Variants in NRG1 observed in about 807,000 individuals in gnomAD.
NRG1 encodes pro-neuregulin-1, membrane-bound isoform.
NRG1 carries 18 observed loss-of-function variants against 63.8 expected under a neutral mutation model. The ratio of observed to expected loss-of-function variants is 0.28; its 90% CI spans 0.19 to 0.42. The LOEUF is 0.42. NRG1 is among the 10% of genes least tolerant of loss of function. The probability of loss-of-function intolerance (pLI) is 1.00; values close to 1 mark genes in which losing one functional copy is unlikely to be tolerated. For synonymous variants in NRG1, 302 were observed against 301.3 expected (o/e 1.00, Z -0.02); for missense variants, 762 against 814.7 (o/e 0.94, Z 0.79).
rs571744951 is a variant in NRG1 at position 32,593,012 on chromosome 8, G to A, written c.101-2816G>A. 2.0e-5 allele frequency among the ~76,000 whole-genome samples: 3 copies of A among 152,176 alleles called. No individual in the cohort carries two copies. In the South Asian group the frequency reaches 6.2e-4, roughly 32 times the overall value. Reference sequence around the variant, plus strand: ...CAGTAACATAAAGAAAATATTACAAGGAAGAGAAAATATATTTATTCATCA... The same window carrying A: ...CAGTAACATAAAGAAAATATTACAAAGAAGAGAAAATATATTTATTCATCA... On this transcript the variant is annotated intron_variant, in intron 1 of 11. Coordinates refer to ENST00000356819, the Ensembl canonical transcript of NRG1.
At chr8:32,362,350 C>T (rs1807332239) in intron 1 of NRG1, among the ~76,000 whole-genome samples, 1 of 152,100 alleles carries the variant, frequency 6.6e-6, no homozygotes, top group African/African-American at 2.4e-5. Flanking sequence ...TATTTAACTG[C>T]AGAGATATAC....
At chr8:31,820,123 T>C (rs1823864767) in intron 1 of NRG1, among the ~76,000 whole-genome samples, 1 of 152,224 alleles carries the variant, frequency 6.6e-6, no homozygotes, top group South Asian at 2.1e-4. Context: ...TAGATATCTC[T>C]AGATCAGAGA....
chr8:31,859,013 A>T (rs1828221047), intron 1 of NRG1, among the ~76,000 whole-genome samples: 2 of 152,192 alleles, frequency 1.3e-5, no homozygotes, highest in Non-Finnish European at 2.9e-5. Context: ...TTTTTATGCT[A>T]CAGAAATAAA....
intron 1 of NRG1, among the ~76,000 whole-genome samples, chr8:31,641,229 G>C (rs1360784915): frequency 6.6e-6 from 1 of 152,192 alleles, no homozygotes; most frequent in Non-Finnish European, 1.5e-5. Flanking sequence ...TTCCCCGACA[G>C]ATGTGGCAGA....
rs955252183 is a variant in NRG1, at chr8:31,757,415, A to T, written c.37+117984A>T. ...AGAATTTGTCACATTGGCTAAAAAAACAACTCCACTAAATCAGGACATTAG... is the reference window on the plus strand; with the variant it reads ...AGAATTTGTCACATTGGCTAAAAAATCAACTCCACTAAATCAGGACATTAG... On this transcript the variant is annotated intron_variant, in intron 1 of 10. Coordinates refer to the NRG1 transcript ENST00000519301. 1.8e-4 allele frequency among the ~76,000 whole-genome samples: 28 copies of T among 152,282 alleles called. No individual in the cohort carries two copies. In the East Asian group the frequency reaches 5.4e-3, roughly 30 times the overall value.
chr8:32,502,030 C>G (rs761263174), intron 1 of NRG1, among the ~76,000 whole-genome samples: 1 of 152,162 alleles, frequency 6.6e-6, no homozygotes, highest in Non-Finnish European at 1.5e-5. Context: ...TGCATCAATA[C>G]ACTACTGTAT....
At chr8:31,879,009 A>AAAAC (rs1390177445) in intron 1 of NRG1, among the ~76,000 whole-genome samples, 1 of 152,118 alleles carries the variant, frequency 6.6e-6, no homozygotes, top group Non-Finnish European at 1.5e-5. Flanking sequence ...CAAGAAAAAA[A>AAAAC]AAACAAACAA....
chr8:32,419,172 G>A (rs1722232279), intron 1 of NRG1, among the ~76,000 whole-genome samples: 1 of 152,158 alleles, frequency 6.6e-6, no homozygotes, highest in African/African-American at 2.4e-5. Flanking sequence ...GCTAAATAAT[G>A]GAATTAAGCA....
chr8:32,754,668 C>T (rs541503535), intron 8 of NRG1, among the ~76,000 whole-genome samples, 194 bp downstream of exon 8: 1 of 151,968 alleles, frequency 6.6e-6, no homozygotes, highest in Non-Finnish European at 1.5e-5. Context: ...AGCTGTTTGC[C>T]TATTCATGTA....
chr8:32,575,602 A>G (rs1160329163), intron 1 of NRG1, among the ~76,000 whole-genome samples: 1 of 152,184 alleles, frequency 6.6e-6, no homozygotes, highest in Admixed American at 6.5e-5. Flanking sequence ...AGAGATCTAC[A>G]CTGGAGATAA....
intron 1 of NRG1, among the ~76,000 whole-genome samples, chr8:31,795,101 C>T (rs1361622363): frequency 6.6e-6 from 1 of 152,104 alleles, no homozygotes; most frequent in Admixed American, 6.6e-5. Context: ...CGGTGCCCAG[C>T]CTGTAATATA....
At chr8:32,279,132 G>A (rs907553343) in intron 1 of NRG1, among the ~76,000 whole-genome samples, 1 of 152,198 alleles carries the variant, frequency 6.6e-6, no homozygotes, top group Non-Finnish European at 1.5e-5. Flanking sequence ...GCTACTTGAG[G>A]GCTGGCCTAC....
chr8:32,145,646 C>T (rs573227468), intron 1 of NRG1, among the ~76,000 whole-genome samples: 5 of 152,162 alleles, frequency 3.3e-5, no homozygotes, highest in South Asian at 2.1e-4. Context: ...TTCTAATTTT[C>T]GTAAAGTTAC....
intron 1 of NRG1, among the ~76,000 whole-genome samples, chr8:32,370,857 CA>C (rs570354347): frequency 0.029 from 1,495 of 51,972 alleles, 6 homozygotes; most frequent in African/African-American, 0.086. Context: ...GACTCTGTCT[CA>C]AAAAAAAAAA....
intron 1 of NRG1, among the ~76,000 whole-genome samples, chr8:31,783,697 A>C (rs150492762): frequency 2.6e-4 from 40 of 152,120 alleles, no homozygotes; most frequent in African/African-American, 9.4e-4. Flanking sequence ...TTTCTCAGCC[A>C]AGGAGTGTGG....
chr8:32,575,094 C>G (rs1288291845), intron 1 of NRG1, among the ~76,000 whole-genome samples: 1 of 152,068 alleles, frequency 6.6e-6, no homozygotes, highest in Admixed American at 6.5e-5. Context: ...TCCTTGCTCC[C>G]TAGGAATACC....
At chr8:32,323,151 T>C (rs557109230) in intron 1 of NRG1, among the ~76,000 whole-genome samples, 2 of 152,272 alleles carry the variant, frequency 1.3e-5, no homozygotes, top group African/African-American at 4.8e-5. Context: ...GATTCCTATG[T>C]AAAGAAGATT....
At chr8:32,552,193 G>C (rs1230097186) in intron 1 of NRG1, among the ~76,000 whole-genome samples, 8 of 147,748 alleles carry the variant, frequency 5.4e-5, no homozygotes, top group Admixed American at 5.4e-4. Flanking sequence ...ACGGGCATGA[G>C]CCACGGCGCT....
intron 1 of NRG1, among the ~76,000 whole-genome samples, chr8:32,385,594 A>G (rs1002955558): frequency 2.0e-5 from 3 of 152,108 alleles, no homozygotes; most frequent in African/African-American, 7.2e-5. Context: ...ACATGGTAGG[A>G]ACAGAAGCAA....
Sources: gnomAD v4.1 joint callset for allele counts (sites outside exome capture counted in the v4.1 genomes callset) on GRCh38, gnomAD v4.1.1 for gene constraint, MANE v1.5 for transcripts, NCBI Gene and HGNC (gene_info 2026-07-23, HGNC 2026-07-21) for gene names.